ALDOB: variants seen among roughly 807,000 people sequenced by gnomAD.
ALDOB encodes the protein aldolase, fructose-bisphosphate B, also known as fructose-bisphosphate aldolase B.
ALDOB carries 39 observed loss-of-function variants against 41.0 expected under a neutral mutation model. The observed-to-expected ratio is 0.95, with a 90% CI of 0.74 to 1.24. ALDOB has a LOEUF of 1.24. ALDOB is among the 50% of genes most tolerant of loss of function. The pLI is 0.00. For synonymous variants in ALDOB, 175 were observed against 168.8 expected, an observed-to-expected ratio of 1.04 and a Z score of -0.28; for missense variants, 530 against 457.3, an observed-to-expected ratio of 1.16 and a Z score of -1.45.
At position 101,421,658 on chromosome 9, in the gene ALDOB, AT is replaced by A. The variant is rs200345626; in HGVS notation, c.*150del. 11,544 of 733,900 alleles carry A rather than the reference AT, an allele frequency of 0.016. 153 individuals carry two copies. Among genetic ancestry groups the A allele is most frequent in the Non-Finnish European group, 0.021 (8,579 of 403,274 alleles). 45.5% of individuals were successfully genotyped at this position (733,900 alleles called of 1,614,324 possible). A position where few individuals can be genotyped will look rare whatever the true frequency, so the allele number is the denominator to read the frequency against. On this transcript the variant is annotated 3_prime_UTR_variant, in exon 9 of 9. Coordinates refer to ENST00000647789, the MANE Select transcript of ALDOB (RefSeq NM_000035.4). ...ATTTTTATGTTTCAATAACTGATTTATTTTTTCCCCCTTGTACTTAAGATTT... is the reference window on the plus strand; with the variant it reads ...ATTTTTATGTTTCAATAACTGATTTATTTTTCCCCCTTGTACTTAAGATTT...
intron 2 of ALDOB, among the ~76,000 whole-genome samples, 181 bp from the exon 3 acceptor site, chr9:101,430,147 G>A (rs1487947244): frequency 6.6e-6 from 1 of 152,180 alleles, no homozygotes; most frequent in South Asian, 2.1e-4. Context: ...CTCTCAGGTG[G>A]CTAGTTAGGG....
At chr9:101,434,115 T>C (rs1338772061) in intron 1 of ALDOB, among the ~76,000 whole-genome samples, 1 of 152,168 alleles carries the variant, frequency 6.6e-6, no homozygotes, top group Non-Finnish European at 1.5e-5. Flanking sequence ...TTATTACATA[T>C]GTGTAACAAG....
Position 101,430,872 on chromosome 9 carries a change from G to A in ALDOB, c.16C>T (p.Pro6Ser). The A allele has an allele frequency of 6.2e-7, 1 of 1,614,068 alleles. No individual in the cohort carries two copies. Residue 6 changes from proline (P) to serine (S), a missense_variant, in exon 2 of 9, where the codon CCA becomes TCA. Physicochemically the swap from Pro to Ser is moderately conservative, Grantham distance 74. Transcript: ENST00000647789. ...TTCTTCTGCTCCTGGGTGAGGGCTG[G>A]AAATCGGTGGGCCATGGTGACAGGT... Reference protein sequence around the residue: MAHRFPALTQEQKKEL... With the variant: MAHRFSALTQEQKKEL...
chr9:101,429,648 G>T, intron 3 of ALDOB, 107 bp downstream of exon 3: 2 of 1,082,184 alleles, frequency 1.8e-6, no homozygotes, highest in Non-Finnish European at 1.4e-6. Context: ...AGGGTGAGAA[G>T]AGAAATTTGA....
Position 101,427,580 on chromosome 9 carries a change from A to C in ALDOB, c.442T>G (p.Trp148Gly), listed in dbSNP as rs118204430. The C allele has an allele frequency of 8.1e-6, 13 of 1,614,068 alleles. No individual in the cohort carries two copies. The highest frequency in any genetic ancestry group is 1.1e-5 in the Non-Finnish European group (13 of 1,180,038). Residue 148 changes from tryptophan to glycine, a missense_variant, in exon 5 of 9, where the codon TGG (tryptophan) becomes GGG (glycine). Trp to Gly is a radical substitution (Grantham distance 184). Coordinates refer to ENST00000647789, the MANE Select transcript of ALDOB (RefSeq NM_000035.4). ...TCGGCAATCCTCAGCACAGCACGCC[A>C]CTTCCCAAAGTCAACACCATCTTTC... ...YKKDGVDFGK[W>G]RAVLRIADQC...
chr9:101,431,639 G>A (rs1222311448), intron 1 of ALDOB, among the ~76,000 whole-genome samples: 1 of 152,178 alleles, frequency 6.6e-6, no homozygotes, highest in East Asian at 1.9e-4. Flanking sequence ...TAACCAAGCA[G>A]CCTCCACAGT....
At chr9:101,428,552 A>C in intron 3 of ALDOB, 29 bp from the exon 4 acceptor site, 1 of 1,582,232 alleles carries the variant, frequency 6.3e-7, no homozygotes, top group Non-Finnish European at 8.7e-7. Context: ...AACAGGTGTC[A>C]GATGTCAGGA....
rs77718928 is a variant in ALDOB at position 101,421,891 on chromosome 9, G to C, written c.1013C>G (p.Ala338Gly). Residue 338 changes from alanine to glycine, a missense_variant, in exon 9 of 9, where the codon GCG becomes GGG. Coordinates refer to ENST00000647789, the MANE Select transcript of ALDOB (RefSeq NM_000035.4). ...CGTGTGAACATACTGTCCTTTGGCC[G>C]CCTGGCAGTTAGCCTAGAAGACAAA... ...FMKRAMANCQ[A>G]AKGQYVHTGS... 12 of 1,613,700 alleles carry C rather than the reference G, an allele frequency of 7.4e-6. No homozygotes were observed. The East Asian group carries it at 2.5e-4, about 33-fold the overall frequency.
Position 101,427,824 on chromosome 9 carries a change from A to G in ALDOB, c.380-182T>C, listed in dbSNP as rs533057335. On this transcript the variant is annotated intron_variant, in intron 4 of 8. Coordinates refer to ENST00000647789, the MANE Select transcript of ALDOB (RefSeq NM_000035.4). Reference sequence around the variant, plus strand: ...GAACCAGAAGACTTAGATTTAATAAATAGTGTTTTGACATACATACTATCT... The same window carrying G: ...GAACCAGAAGACTTAGATTTAATAAGTAGTGTTTTGACATACATACTATCT... Among the ~76,000 whole-genome samples the G allele has an allele frequency of 3.3e-5, 5 of 152,290 alleles. No homozygotes were observed. The East Asian group carries it at 9.6e-4, about 29-fold the overall frequency.
Position 101,421,472 on chromosome 9 carries a change from A to T in ALDOB, c.*337T>A, listed in dbSNP as rs1229347420. The T allele has an allele frequency of 1.0e-5, 4 of 386,442 alleles. No homozygotes were observed. The highest frequency in any genetic ancestry group is 8.3e-5 in the African/African-American group (4 of 47,950). The allele number at this position is 386,442 out of a possible 1,614,324, so 23.9% of individuals were successfully genotyped here. A position where few individuals can be genotyped will look rare whatever the true frequency, so the allele number is the denominator to read the frequency against. On this transcript the variant is annotated 3_prime_UTR_variant, in exon 9 of 9. Coordinates refer to ENST00000647789, the MANE Select transcript of ALDOB (RefSeq NM_000035.4). ...TGTTTCATAAGATGCACTTCTCTAC[A>T]CTCAGCTAATGAGGTGTTTCAATCA...
Position 101,421,775 on chromosome 9 carries a change from G to A in ALDOB, c.*34C>T. ...TTGCTCCCTTTCAGCCCTCCTACTA[G>A]AAGCACTGGAGCTAGGCTGGCGGGC... On this transcript the variant is annotated 3_prime_UTR_variant, in exon 9 of 9. Coordinates refer to ENST00000647789, the MANE Select transcript of ALDOB (RefSeq NM_000035.4). 6.3e-7 allele frequency: 1 copy of A among 1,584,390 alleles called. No homozygotes were observed. Among genetic ancestry groups the A allele is most frequent in the Non-Finnish European group, 8.7e-7 (1 of 1,153,492 alleles).
intron 1 of ALDOB, among the ~76,000 whole-genome samples, chr9:101,431,981 C>A (rs1831226673): frequency 6.6e-6 from 1 of 152,186 alleles, no homozygotes; most frequent in South Asian, 2.1e-4. Flanking sequence ...GTATTATCTT[C>A]ATTAATTAAT....
chr9:101,427,671 C>T (rs774393193), intron 4 of ALDOB, 29 bp from the exon 5 acceptor site: 8 of 1,612,636 alleles, frequency 5.0e-6, no homozygotes, highest in Non-Finnish European at 5.1e-6. Context: ...AGAAAGGCTT[C>T]TTTGTACCTT....
rs577734727 is a variant in ALDOB, at chr9:101,428,499, C to T, written c.349G>A (p.Ala117Thr). The T allele has an allele frequency of 2.5e-6, 4 of 1,614,002 alleles. No homozygotes were observed. Among genetic ancestry groups the T allele is most frequent in the South Asian group, 1.1e-5 (1 of 91,080 alleles). The change falls in exon 4 of 9, where the codon GCA (alanine) becomes ACA (threonine). Residue 117 changes from alanine to threonine, a missense_variant. Physicochemically the swap from Ala to Thr is moderately conservative, Grantham distance 58. Coordinates refer to ENST00000647789, the MANE Select transcript of ALDOB (RefSeq NM_000035.4). The stretch of plus-strand genomic sequence containing the variant: ...ATGGTGGTTTCTTTGTTTGTTCCTG[C>T]AAGAGGAGCACCTCCTTGGTCTAAC... ...IKLDQGGAPL[A>T]GTNKETTIQG...
chr9:101,431,005 C>T, intron 1 of ALDOB, 108 bp from the exon 2 acceptor site: 2 of 766,840 alleles, frequency 2.6e-6, no homozygotes, highest in Non-Finnish European at 4.6e-6. Context: ...TCTGTGACAC[C>T]TCTGACCCAT....
intron 3 of ALDOB, among the ~76,000 whole-genome samples, 157 bp downstream of exon 3, chr9:101,429,598 G>C (rs952210869): frequency 6.6e-6 from 1 of 152,192 alleles, no homozygotes; most frequent in African/African-American, 2.4e-5. Context: ...GAAAACTCTA[G>C]AAGAGGATCT....
At chr9:101,427,410 T>C (rs1831146866) in intron 5 of ALDOB, 72 bp downstream of exon 5, 2 of 1,567,320 alleles carry the variant, frequency 1.3e-6, no homozygotes, top group Admixed American at 1.7e-5. Context: ...GTAGTTATAG[T>C]ATAATTGAAA....
chr9:101,421,657 T>C lies in ALDOB; in HGVS notation c.*152A>G, dbSNP rs192418526. 336 of 732,354 alleles carry C rather than the reference T, an allele frequency of 4.6e-4. 3 individuals carry two copies. In the African/African-American group the frequency reaches 5.4e-3, roughly 12 times the overall value. 45.4% of individuals were successfully genotyped at this position (732,354 alleles called of 1,614,324 possible). ...CATTTTTATGTTTCAATAACTGATTTATTTTTTCCCCCTTGTACTTAAGAT... is the reference window on the plus strand; with the variant it reads ...CATTTTTATGTTTCAATAACTGATTCATTTTTTCCCCCTTGTACTTAAGAT... On this transcript the variant is annotated 3_prime_UTR_variant, in exon 9 of 9. Coordinates refer to ENST00000647789, the MANE Select transcript of ALDOB (RefSeq NM_000035.4).
Position 101,421,112 on chromosome 9 carries a change from A to G in ALDOB, c.*697T>C, listed in dbSNP as rs1384832952. 6.6e-6 allele frequency: 1 copy of G among 152,446 alleles called. No individual in the cohort carries two copies. Among genetic ancestry groups the G allele is most frequent in the East Asian group, 1.9e-4 (1 of 5,196 alleles). The allele number at this position is 152,446 out of a possible 1,614,324, so 9.4% of individuals were successfully genotyped here. A position where few individuals can be genotyped will look rare whatever the true frequency, so the allele number is the denominator to read the frequency against. On this transcript the variant is annotated 3_prime_UTR_variant, in exon 9 of 9. Coordinates refer to ENST00000647789, the MANE Select transcript of ALDOB (RefSeq NM_000035.4). ...CTTGAAATTTAGATTGGTAGTTCTCAAACTTGACTGTACATTGGAATTACT... is the reference window on the plus strand; with the variant it reads ...CTTGAAATTTAGATTGGTAGTTCTCGAACTTGACTGTACATTGGAATTACT...
Sources: gnomAD v4.1 joint callset for allele counts (sites outside exome capture counted in the v4.1 genomes callset) on GRCh38, gnomAD v4.1.1 for gene constraint, MANE v1.5 for transcripts, NCBI Gene and HGNC (gene_info 2026-07-23, HGNC 2026-07-21) for gene names.